Variants in ADORA2A observed in about 807,000 individuals in gnomAD.
ADORA2A encodes the protein adenosine A2a receptor, also known as adenosine receptor A2a.
In ADORA2A, 11 loss-of-function variants were observed where a neutral mutation model predicts 18.4. The observed-to-expected ratio is 0.60, with a 90% confidence interval of 0.38 to 0.99. The LOEUF is 0.99. Ranked by LOEUF, ADORA2A falls within the 50% of genes least tolerant of loss-of-function variation. The pLI is 0.01. For synonymous variants in ADORA2A, 218 were observed against 237.3 expected (o/e 0.92, Z 0.75); for missense variants, 449 against 556.1 (o/e 0.81, Z 1.94).
At chr22:24,430,805 T>C (rs2043012573) in intron 1 of ADORA2A, 1 of 321,468 alleles carries the variant, frequency 3.1e-6, no homozygotes, top group Non-Finnish European at 6.2e-6. Flanking sequence ...CATCCTTCAA[T>C]GCAGATGCCC....
chr22:24,433,785 C>T (rs1209984466), intron 2 of ADORA2A, 49 bp downstream of exon 2: 2 of 1,556,210 alleles, frequency 1.3e-6, no homozygotes, highest in Non-Finnish European at 1.7e-6. Flanking sequence ...GGTGCCCAGG[C>T]TTTGGTCTGT....
Position 24,433,395 on chromosome 22 carries a change from G to T in ADORA2A, c.-10G>T. On this transcript the variant is annotated 5_prime_UTR_variant, in exon 2 of 3. Transcript: ENST00000337539. ...CGCGTCCGTGCTGAGCCTGCCTGTCGTCTGTGGCCATGCCCATCATGGGCT... is the reference window on the plus strand; with the variant it reads ...CGCGTCCGTGCTGAGCCTGCCTGTCTTCTGTGGCCATGCCCATCATGGGCT... The T allele has an allele frequency of 1.2e-6, 2 of 1,604,370 alleles. No homozygotes were observed.
intron 1 of ADORA2A, chr22:24,431,571 G>A (rs1295328096): frequency 6.8e-6 from 3 of 444,198 alleles, no homozygotes; most frequent in East Asian, 1.4e-4. Flanking sequence ...TCCTGGAAGA[G>A]AGAGAGAGAC....
At chr22:24,424,609 A>G (rs1272154638), upstream of ADORA2A, 6 of 151,376 alleles carry the variant, frequency 4.0e-5, no homozygotes, top group Non-Finnish European at 2.9e-5. This position sits in a 1 kb window ranked among gnomAD's most constrained non-coding sequence, Gnocchi z 4.9. Flanking sequence ...AGAAAGGGGG[A>G]ATCAGGAACG....
chr22:24,439,072 CTTTTTTTTTTTTTT>C (rs3032740), intron 2 of ADORA2A, among the ~76,000 whole-genome samples: 11 of 73,096 alleles, frequency 1.5e-4, no homozygotes, highest in South Asian at 6.7e-4. Context: ...CCCCTTGCAC[CTTTTTTTTTTTTTT>C]TTTTTTTTTT....
intron 2 of ADORA2A, among the ~76,000 whole-genome samples, chr22:24,436,489 C>A (rs919299575): frequency 6.6e-6 from 1 of 152,162 alleles, no homozygotes; most frequent in Non-Finnish European, 1.5e-5. Context: ...AGGGCCTAGT[C>A]GAGGAACTCT....
rs2043088292 is a variant in ADORA2A, at chr22:24,433,289, G to C, written c.-116G>C. ...GCTCCTGTGAGGAAGGGGCTCAGGGGTCTGGGCCCCTCCGCCTGGGCCGGG... is the reference window on the plus strand; with the variant it reads ...GCTCCTGTGAGGAAGGGGCTCAGGGCTCTGGGCCCCTCCGCCTGGGCCGGG... On this transcript the variant is annotated 5_prime_UTR_variant, in exon 2 of 3. Coordinates refer to ENST00000337539, the MANE Select transcript of ADORA2A (RefSeq NM_000675.6). 5.9e-6 allele frequency: 6 copies of C among 1,018,190 alleles called. No individual in the cohort carries two copies. The highest frequency in any genetic ancestry group is 8.6e-6 in the Non-Finnish European group (6 of 699,712). The allele number at this position is 1,018,190 out of a possible 1,614,324, so 63.1% of individuals were successfully genotyped here.
rs1287369177 is a variant in ADORA2A, at chr22:24,433,438, G to A, written c.34G>A (p.Val12Met). 7.4e-6 allele frequency: 12 copies of A among 1,613,786 alleles called. No homozygotes were observed. Among genetic ancestry groups the A allele is most frequent in the Non-Finnish European group, 1.0e-5 (12 of 1,179,930 alleles). The change falls in exon 2 of 3, where the codon GTG becomes ATG. Residue 12 changes from valine (V) to methionine (M), a missense_variant. By Grantham distance (21) the Val-to-Met change is conservative. Coordinates refer to ENST00000337539, the MANE Select transcript of ADORA2A (RefSeq NM_000675.6). ...PIMGSSVYIT[V>M]ELAIAVLAIL... The stretch of plus-strand genomic sequence containing the variant: ...CATGGGCTCCTCGGTGTACATCACG[G>A]TGGAGCTGGCCATTGCTGTGCTGGC...
chr22:24,441,352 G>C lies in ADORA2A; in HGVS notation c.1102G>C (p.Gly368Arg). 6.3e-7 allele frequency: 1 copy of C among 1,591,444 alleles called. No individual in the cohort carries two copies. The highest frequency in any genetic ancestry group is 8.6e-7 in the Non-Finnish European group (1 of 1,168,100). Residue 368 changes from glycine (G) to arginine (R), a missense_variant, in exon 3 of 3, where the codon GGA becomes CGA. Physicochemically the swap from Gly to Arg is moderately radical, Grantham distance 125. Transcript: ENST00000337539. ...PNGYALGLVS[G>R]GSAQESQGNT... ...TGGCTATGCCCTGGGGCTGGTGAGT[G>C]GAGGGAGTGCCCAAGAGTCCCAGGG...
chr22:24,440,446 G>A, intron 2 of ADORA2A, 137 bp from the exon 3 acceptor site: 2 of 812,748 alleles, frequency 2.5e-6, no homozygotes, highest in Non-Finnish European at 3.9e-6. Context: ...GGATGCTGGG[G>A]CGAGGTGGCA....
In ADORA2A at chr22:24,441,260, G is replaced by A. The variant is rs776505597; in HGVS notation, c.1010G>A (p.Arg337His). 9.3e-6 allele frequency: 15 copies of A among 1,613,256 alleles called. No individual in the cohort carries two copies. The highest frequency in any genetic ancestry group is 2.2e-5 in the East Asian group (1 of 44,872). The change falls in exon 3 of 3, where the codon CGT (arginine) becomes CAT (histidine). Residue 337 changes from arginine (R) to histidine (H), a missense_variant. By Grantham distance (29) the Arg-to-His change is conservative. Transcript: ENST00000337539. ...AGTGACGGAGAGCAGGTCAGCCTCCGTCTCAACGGCCACCCGCCAGGAGTG... is the reference window on the plus strand; with the variant it reads ...AGTGACGGAGAGCAGGTCAGCCTCCATCTCAACGGCCACCCGCCAGGAGTG... ...HGSDGEQVSLRLNGHPPGVWA... is the reference protein window; with the variant it reads ...HGSDGEQVSLHLNGHPPGVWA...
At chr22:24,428,011 T>A (rs2042942900) in intron 1 of ADORA2A, among the ~76,000 whole-genome samples, 1 of 152,098 alleles carries the variant, frequency 6.6e-6, no homozygotes, top group South Asian at 2.1e-4. Context: ...GCCAGGTGTA[T>A]CTCTGGGTCC....
rs147032949 is a variant in ADORA2A, at chr22:24,428,899, A to C, written c.-275+1153A>C. Among the ~76,000 whole-genome samples, 97 of 152,322 alleles carry C rather than the reference A, an allele frequency of 6.4e-4. 1 individual carries two copies. In the East Asian group the frequency reaches 0.017, roughly 27 times the overall value. ...GGGGCACACCTCCCTTTGGCCCAGC[A>C]GTTGGGGTGCTGCCAGGCCTGGTGG... On this transcript the variant is annotated intron_variant, in intron 1 of 2. Coordinates refer to ENST00000337539, the MANE Select transcript of ADORA2A (RefSeq NM_000675.6).
upstream of ADORA2A, chr22:24,424,650 A>G (rs1189825218): frequency 2.0e-5 from 3 of 152,028 alleles, no homozygotes; most frequent in Non-Finnish European, 4.4e-5. This position sits in a 1 kb window ranked among gnomAD's most constrained non-coding sequence, Gnocchi z 4.9. Context: ...TTCCGTGGAC[A>G]GTGGTGGCGG....
intron 2 of ADORA2A, among the ~76,000 whole-genome samples, chr22:24,439,996 C>G (rs2146924419): frequency 6.6e-6 from 1 of 152,036 alleles, no homozygotes; most frequent in Middle Eastern, 3.4e-3. Context: ...CTGGAGTCCC[C>G]AAGTCAAATG....
chr22:24,430,603 G>A lies in ADORA2A; in HGVS notation c.-274-2528G>A, dbSNP rs144927935. Among the ~76,000 whole-genome samples the A allele has an allele frequency of 1.2e-4, 18 of 152,348 alleles. No individual in the cohort carries two copies. In the East Asian group the frequency reaches 2.7e-3, roughly 23 times the overall value. Reference sequence around the variant, plus strand: ...AGCTGGCATGGCACCAGTCCAGCCCGTGAGGCAGGCGCCGATGATTTGACC... The same window carrying A: ...AGCTGGCATGGCACCAGTCCAGCCCATGAGGCAGGCGCCGATGATTTGACC... On this transcript the variant is annotated intron_variant, in intron 1 of 2. Coordinates refer to ENST00000337539, the MANE Select transcript of ADORA2A (RefSeq NM_000675.6).
At chr22:24,434,488 C>T (rs2043125744) in intron 2 of ADORA2A, among the ~76,000 whole-genome samples, 1 of 152,222 alleles carries the variant, frequency 6.6e-6, no homozygotes, top group South Asian at 2.1e-4. Context: ...GGCATGGATT[C>T]CACCTACCCA....
At chr22:24,430,737 G>C (rs2043011354) in intron 1 of ADORA2A, among the ~76,000 whole-genome samples, 1 of 152,268 alleles carries the variant, frequency 6.6e-6, no homozygotes, top group Non-Finnish European at 1.5e-5. Context: ...TCTGGAGCGT[G>C]GTCTGGGGCT....
Position 24,441,272 on chromosome 22 carries a change from AC to A in ADORA2A, c.1025del (p.Pro342ArgfsTer25). On this transcript the variant is annotated frameshift_variant, in exon 3 of 3. Coordinates refer to ENST00000337539, the MANE Select transcript of ADORA2A (RefSeq NM_000675.6). LOFTEE classifies it low-confidence loss of function (END_TRUNC). ...GEQVSLRLNG[H>X]PPGVWANGSA... ...CAGGTCAGCCTCCGTCTCAACGGCC[AC>A]CCGCCAGGAGTGTGGGCCAACGGCA... 1 of 1,612,546 alleles carries A rather than the reference AC, an allele frequency of 6.2e-7. No homozygotes were observed. Among genetic ancestry groups the A allele is most frequent in the Non-Finnish European group, 8.5e-7 (1 of 1,179,532 alleles).
Sources: gnomAD v4.1 joint callset for allele counts (sites outside exome capture counted in the v4.1 genomes callset) on GRCh38, gnomAD v4.1.1 for gene constraint, Gnocchi (gnomAD v3.1) non-coding constraint, MANE v1.5 for transcripts, NCBI Gene and HGNC (gene_info 2026-07-23, HGNC 2026-07-21) for gene names.